The following RTF1 variants were observed in gnomAD, a reference collection of about 807,000 sequenced individuals.
The protein encoded by RTF1 is RNA polymerase-associated protein RTF1 homolog.
RTF1 carries 10 observed loss-of-function variants against 95.7 expected under a neutral mutation model. The observed-to-expected ratio is 0.10, with a 90% CI of 0.06 to 0.18. RTF1 has a LOEUF of 0.18. RTF1 is among the 10% of genes least tolerant of loss of function. RTF1 has a pLI of 1.00. For missense variants in RTF1, 458 were observed against 875.6 expected (o/e 0.52, Z 6.02); for synonymous variants, 305 against 311.8 (o/e 0.98, Z 0.23).
chr15:41,435,380 T>G (rs2050696748), intron 1 of RTF1, among the ~76,000 whole-genome samples: 1 of 150,174 alleles, frequency 6.7e-6, no homozygotes, highest in Admixed American at 6.7e-5. Flanking sequence ...TTTGTTTTGT[T>G]TTTTTTTTTA....
At position 41,481,410 on chromosome 15, in the gene RTF1, A is replaced by G. The variant is rs986415365; in HGVS notation, c.*723A>G. On this transcript the variant is annotated 3_prime_UTR_variant, in exon 18 of 18. Transcript: ENST00000389629. Reference sequence around the variant, plus strand: ...GCTGTACTTGAGCATCTGAAACTGCAAGAAAGAAACTCATTAAATGTGATT... The same window carrying G: ...GCTGTACTTGAGCATCTGAAACTGCGAGAAAGAAACTCATTAAATGTGATT... 9.8e-5 allele frequency: 15 copies of G among 152,576 alleles called. No individual in the cohort carries two copies. The highest frequency in any genetic ancestry group is 3.6e-4 in the African/African-American group (15 of 41,402). The allele number at this position is 152,576 out of a possible 1,614,324, so 9.5% of individuals were successfully genotyped here.
intron 6 of RTF1, among the ~76,000 whole-genome samples, chr15:41,467,150 A>G (rs889853670): frequency 2.0e-5 from 3 of 152,158 alleles, no homozygotes; most frequent in Admixed American, 6.6e-5. Context: ...TTCAACTGCA[A>G]TTCACCCTCC....
chr15:41,421,797 G>C (rs1032329111), intron 1 of RTF1, among the ~76,000 whole-genome samples: 1 of 149,656 alleles, frequency 6.7e-6, no homozygotes, highest in Admixed American at 6.7e-5. Flanking sequence ...CTGTAGCGTT[G>C]ACCTCCCTAG....
intron 2 of RTF1, among the ~76,000 whole-genome samples, chr15:41,442,667 C>A (rs2050741675): frequency 6.6e-6 from 1 of 152,030 alleles, no homozygotes; most frequent in Non-Finnish European, 1.5e-5. Flanking sequence ...AGGTAGATCA[C>A]TTGAGGTCAG....
intron 1 of RTF1, among the ~76,000 whole-genome samples, chr15:41,424,044 G>A (rs527626482): frequency 6.6e-6 from 1 of 152,270 alleles, no homozygotes; most frequent in African/African-American, 2.4e-5. Context: ...ATGAGCCACC[G>A]CATCCGGCCT....
chr15:41,470,414 T>G, intron 7 of RTF1, 22 bp downstream of exon 7: 1 of 1,612,606 alleles, frequency 6.2e-7, no homozygotes, highest in Non-Finnish European at 8.5e-7. Flanking sequence ...TACATTTTGG[T>G]CTAGTAGGCA....
At chr15:41,468,168 A>G (rs113829791) in intron 6 of RTF1, among the ~76,000 whole-genome samples, 122 of 151,932 alleles carry the variant, frequency 8.0e-4, no homozygotes, top group African/African-American at 2.4e-3. Context: ...CTCTGTCTCA[A>G]AAAAAAAGAA....
intron 4 of RTF1, among the ~76,000 whole-genome samples, chr15:41,463,358 T>TC (rs1364082684): frequency 1.3e-5 from 2 of 152,234 alleles, no homozygotes; most frequent in Non-Finnish European, 2.9e-5. Context: ...AATTGCTGGC[T>TC]GGTACGGTAA....
At chr15:41,433,108 T>G (rs56346868) in intron 1 of RTF1, among the ~76,000 whole-genome samples, 1 of 151,540 alleles carries the variant, frequency 6.6e-6, no homozygotes, top group African/African-American at 2.4e-5. Flanking sequence ...ATTAGCTGGG[T>G]GTGGTGGCGT....
chr15:41,476,454 A>C lies in RTF1; in HGVS notation c.1491A>C (p.Lys497Asn), dbSNP rs1566849968. ...TCTCCTCTCTGGTACAGATTGTAAA[A>C]GAGAAAGAAAGGTTCAGAAAAGCTC... ...FNDQDIEEIV[K>N]EKERFRKAPP... The change falls in exon 12 of 18, where the codon AAA becomes AAC. Residue 497 changes from lysine to asparagine, a missense_variant. This residue lies in a region of RTF1 where 150 missense variants were observed against 275.7 expected (regional missense o/e 0.54). Coordinates refer to ENST00000389629, the MANE Select transcript of RTF1 (RefSeq NM_015138.5). 6.2e-7 allele frequency: 1 copy of C among 1,613,468 alleles called. No individual in the cohort carries two copies. Among genetic ancestry groups the C allele is most frequent in the Non-Finnish European group, 8.5e-7 (1 of 1,179,484 alleles).
intron 6 of RTF1, among the ~76,000 whole-genome samples, chr15:41,468,173 A>G (rs1235798802): frequency 6.6e-6 from 1 of 151,994 alleles, no homozygotes; most frequent in Admixed American, 6.5e-5. Context: ...TCTCAAAAAA[A>G]AAGAAAAAGA....
At chr15:41,440,687 C>T (rs1267423360) in intron 2 of RTF1, among the ~76,000 whole-genome samples, 1 of 150,642 alleles carries the variant, frequency 6.6e-6, no homozygotes, top group East Asian at 2.0e-4. Flanking sequence ...GTCGGGGTTT[C>T]ACCACGTTAG....
rs147624967 is a variant in RTF1, at chr15:41,427,880, G to A, written c.199-10441G>A. Among the ~76,000 whole-genome samples, 843 of 151,922 alleles carry A rather than the reference G, an allele frequency of 5.5e-3. 9 individuals carry two copies. The highest frequency in any genetic ancestry group is 0.019 in the African/African-American group (799 of 41,448). On this transcript the variant is annotated intron_variant, in intron 1 of 17. Transcript: ENST00000389629. ...CAGCTCACTGCAACCTCCGCCTCCC[G>A]GGTTCAAGTGATTCTCCTGTCTTAG... is the stretch of plus-strand genomic sequence containing the variant.
chr15:41,455,570 C>T (rs1363009108), intron 3 of RTF1, among the ~76,000 whole-genome samples: 2 of 151,860 alleles, frequency 1.3e-5, no homozygotes, highest in Non-Finnish European at 2.9e-5. Context: ...TGTGGGAGGC[C>T]AAGGCAGGTG....
At position 41,481,169 on chromosome 15, in the gene RTF1, C is replaced by T. The variant is rs1318934491; in HGVS notation, c.*482C>T. 1 of 145,380 alleles carries T rather than the reference C, an allele frequency of 6.9e-6. No homozygotes were observed. Among genetic ancestry groups the T allele is most frequent in the Non-Finnish European group, 1.5e-5 (1 of 67,442 alleles). The allele number at this position is 145,380 out of a possible 1,614,324, so 9.0% of individuals were successfully genotyped here. On this transcript the variant is annotated 3_prime_UTR_variant, in exon 18 of 18. Transcript: ENST00000389629. ...CACCTGCGATCCTCTTTCCTCTCTT[C>T]ATCTTTCTCTTCTGCCCTTCTTTTT...
intron 1 of RTF1, among the ~76,000 whole-genome samples, chr15:41,424,958 G>A (rs1268290222): frequency 6.6e-6 from 1 of 151,938 alleles, no homozygotes; most frequent in Admixed American, 6.6e-5. Flanking sequence ...GCAGTGAGCC[G>A]AGATCACCAC....
chr15:41,418,877 C>T (rs188556081), intron 1 of RTF1, among the ~76,000 whole-genome samples: 1 of 149,762 alleles, frequency 6.7e-6, no homozygotes, highest in Admixed American at 6.6e-5. Context: ...TTTTTTGAGA[C>T]GGAGTCTCGC....
chr15:41,428,567 C>G (rs1238093028), intron 1 of RTF1, among the ~76,000 whole-genome samples: 2 of 151,142 alleles, frequency 1.3e-5, no homozygotes, highest in Non-Finnish European at 2.9e-5. Context: ...CGTGTCCGGC[C>G]CCCTACTCCT....
At chr15:41,423,424 G>A (rs1347400517) in intron 1 of RTF1, among the ~76,000 whole-genome samples, 1 of 150,960 alleles carries the variant, frequency 6.6e-6, no homozygotes, top group Non-Finnish European at 1.5e-5. Flanking sequence ...CCAGGCTGGA[G>A]AGCAATGGCA....
Sources: gnomAD v4.1 joint callset for allele counts (sites outside exome capture counted in the v4.1 genomes callset) on GRCh38, gnomAD v4.1.1 for gene constraint, gnomAD v4.1.1 regional missense constraint, MANE v1.5 for transcripts, NCBI Gene and HGNC (gene_info 2026-07-23, HGNC 2026-07-21) for gene names.